KCNIP4: variants seen among roughly 807,000 people sequenced by gnomAD.
KCNIP4 encodes potassium voltage-gated channel interacting protein 4.
A neutral mutation model predicts 34.0 loss-of-function variants in KCNIP4; 12 were observed. The observed-to-expected ratio is 0.35, with a 90% CI of 0.23 to 0.57. The LOEUF (loss-of-function observed/expected upper bound fraction) is 0.57, where lower values mean the gene tolerates loss of function less well. KCNIP4 is among the 20% of genes least tolerant of loss of function. The pLI, the probability that KCNIP4 is intolerant of heterozygous loss-of-function variation, is 0.83. For missense variants in KCNIP4, 238 were observed against 311.7 expected (o/e 0.76, Z 1.78); for synonymous variants, 124 against 102.2 (o/e 1.21, Z -1.29).
chr4:21,317,854 C>T (rs1053992752), intron 1 of KCNIP4, among the ~76,000 whole-genome samples: 2 of 152,168 alleles, frequency 1.3e-5, no homozygotes, highest in African/African-American at 4.8e-5. Context: ...CCTGCACAAG[C>T]TCTCTAACTC....
At chr4:21,851,869 C>T (rs1296257995) in intron 1 of KCNIP4, 1 of 151,998 alleles carries the variant, frequency 6.6e-6, no homozygotes, top group African/African-American at 2.4e-5. Flanking sequence ...ATACTGGAAC[C>T]CTCGTCTCAG....
chr4:21,145,396 C>T (rs967119834), intron 1 of KCNIP4, among the ~76,000 whole-genome samples: 4 of 152,072 alleles, frequency 2.6e-5, no homozygotes, highest in African/African-American at 9.7e-5. Flanking sequence ...AATTATAACC[C>T]AATATTCTAA....
At chr4:21,813,635 C>T (rs1721795051) in intron 1 of KCNIP4, among the ~76,000 whole-genome samples, 1 of 152,092 alleles carries the variant, frequency 6.6e-6, no homozygotes, top group Non-Finnish European at 1.5e-5. Context: ...AGAAGAGAAA[C>T]AGGCAAACTA....
At chr4:20,743,020 CCCTTATAAGGGTGT>C (rs1751531902) in intron 5 of KCNIP4, among the ~76,000 whole-genome samples, 2 of 99,016 alleles carry the variant, frequency 2.0e-5, no homozygotes, top group African/African-American at 9.8e-5. Flanking sequence ...ATGTGAAGGA[CCCTTATAAGGGTGT>C]GAAGGACCCT....
intron 1 of KCNIP4, among the ~76,000 whole-genome samples, chr4:21,626,660 T>C (rs1360669345): frequency 6.6e-6 from 1 of 152,074 alleles, no homozygotes; most frequent in Non-Finnish European, 1.5e-5. Flanking sequence ...ACTCAAACCC[T>C]TCATCAATGG....
chr4:21,271,001 A>AG (rs1460340437), intron 1 of KCNIP4, among the ~76,000 whole-genome samples: 5 of 151,916 alleles, frequency 3.3e-5, no homozygotes, highest in African/African-American at 1.2e-4. Context: ...AAAAAAAAAA[A>AG]AAAGATTGTA....
chr4:21,126,449 C>T (rs528302808), intron 1 of KCNIP4, among the ~76,000 whole-genome samples: 2 of 152,104 alleles, frequency 1.3e-5, no homozygotes, highest in East Asian at 3.9e-4. Flanking sequence ...AAAAGAGAGG[C>T]TCTGAGAAAT....
At chr4:20,919,146 C>T (rs1014294032) in intron 1 of KCNIP4, among the ~76,000 whole-genome samples, 2 of 152,142 alleles carry the variant, frequency 1.3e-5, no homozygotes, top group Non-Finnish European at 2.9e-5. Context: ...TCATGTTTTA[C>T]AACTTGACAT....
intron 1 of KCNIP4, among the ~76,000 whole-genome samples, chr4:21,101,096 C>A (rs999488156): frequency 3.3e-5 from 5 of 152,118 alleles, no homozygotes; most frequent in African/African-American, 9.7e-5. Flanking sequence ...AGTAATTTTT[C>A]AACCCTCATG....
intron 1 of KCNIP4, among the ~76,000 whole-genome samples, chr4:20,883,786 T>G (rs190464134): frequency 1.7e-3 from 265 of 152,338 alleles, no homozygotes; most frequent in Non-Finnish European, 3.2e-3. Context: ...CCACCAACAG[T>G]ATCCACTGGC....
chr4:21,746,299 C>T (rs759147539), intron 1 of KCNIP4, among the ~76,000 whole-genome samples: 1 of 152,048 alleles, frequency 6.6e-6, no homozygotes, highest in African/African-American at 2.4e-5. Flanking sequence ...AAACCATAAA[C>T]AATTCAAAAC....
intron 1 of KCNIP4, among the ~76,000 whole-genome samples, chr4:21,372,356 A>AGATG (rs1477488709): frequency 1.4e-5 from 2 of 141,380 alleles, no homozygotes; most frequent in Non-Finnish European, 3.0e-5. Flanking sequence ...TTTGGTGAAT[A>AGATG]GATAGATAGA....
chr4:21,943,414 G>C (rs1284408718), intron 1 of KCNIP4, among the ~76,000 whole-genome samples: 1 of 151,964 alleles, frequency 6.6e-6, no homozygotes, highest in African/African-American at 2.4e-5. Context: ...GATATAGCTG[G>C]TTATGGTCCC....
chr4:20,922,805 T>A (rs1729535806), intron 1 of KCNIP4, among the ~76,000 whole-genome samples: 1 of 152,206 alleles, frequency 6.6e-6, no homozygotes, highest in South Asian at 2.1e-4. Flanking sequence ...GCCTAAGATG[T>A]AGAATTCTTC....
chr4:21,791,783 C>A (rs1021341459), intron 1 of KCNIP4, among the ~76,000 whole-genome samples: 3 of 151,982 alleles, frequency 2.0e-5, no homozygotes, highest in African/African-American at 7.2e-5. Flanking sequence ...GGGCGGATCA[C>A]CTGAGGTCAG....
At chr4:21,053,319 T>G (rs1743097788) in intron 1 of KCNIP4, among the ~76,000 whole-genome samples, 1 of 152,162 alleles carries the variant, frequency 6.6e-6, no homozygotes, top group Admixed American at 6.5e-5. Flanking sequence ...CATTAACAAC[T>G]AATTAAAAAC....
At chr4:21,845,724 A>G (rs1455645608) in intron 1 of KCNIP4, 1 of 152,072 alleles carries the variant, frequency 6.6e-6, no homozygotes, top group Non-Finnish European at 1.5e-5. Flanking sequence ...CAGACTCACT[A>G]ACTGCCTAAG....
intron 1 of KCNIP4, among the ~76,000 whole-genome samples, chr4:21,756,973 T>C (rs1717572596): frequency 6.6e-6 from 1 of 151,550 alleles, no homozygotes; most frequent in African/African-American, 2.4e-5. Context: ...AGCAGGCACC[T>C]GTAATCACAG....
Position 21,370,573 on chromosome 4 carries a change from A to G in KCNIP4, c.62-487864T>C, listed in dbSNP as rs535680380. ...AGAAAAAAAAAGAAGCAGAGAAGAC[A>G]TCAAAGTAGGTTGAAAGTAGGGAGA... On this transcript the variant is annotated intron_variant, in intron 1 of 8. Coordinates refer to ENST00000382152, the MANE Select transcript of KCNIP4 (RefSeq NM_025221.6). Among the ~76,000 whole-genome samples, 254 of 143,860 alleles carry G rather than the reference A, an allele frequency of 1.8e-3. 36 individuals carry two copies. Among genetic ancestry groups the G allele is most frequent in the African/African-American group, 7.2e-3 (249 of 34,476 alleles). The allele number at this position is 143,860 out of a possible 152,430, so 94.4% of individuals were successfully genotyped here. A position where few individuals can be genotyped will look rare whatever the true frequency, so the allele number is the denominator to read the frequency against.
Sources: gnomAD v4.1 joint callset for allele counts (sites outside exome capture counted in the v4.1 genomes callset) on GRCh38, gnomAD v4.1.1 for gene constraint, MANE v1.5 for transcripts, NCBI Gene and HGNC (gene_info 2026-07-23, HGNC 2026-07-21) for gene names.